GPATCH8: variants seen among roughly 807,000 people sequenced by gnomAD.
GPATCH8 encodes the protein G patch domain-containing protein 8.
GPATCH8 carries 18 observed loss-of-function variants against 118.3 expected under a neutral mutation model. That is an observed-to-expected ratio of 0.15 (90% confidence interval 0.11 to 0.23). GPATCH8 has a LOEUF of 0.23. Among genes scored for constraint, GPATCH8 ranks in the 10% least tolerant of loss-of-function variants. GPATCH8 has a pLI of 1.00. For missense variants in GPATCH8, 1,631 were observed against 1,873.8 expected, an observed-to-expected ratio of 0.87 and a Z score of 2.39; for synonymous variants, 659 against 684.7, an observed-to-expected ratio of 0.96 and a Z score of 0.59.
intron 1 of GPATCH8, among the ~76,000 whole-genome samples, chr17:44,485,232 T>G (rs768844624): frequency 6.6e-6 from 1 of 152,148 alleles, no homozygotes; most frequent in Non-Finnish European, 1.5e-5. Context: ...GCCCCCCAAG[T>G]GGCTGGGACT....
At position 44,396,670 on chromosome 17, in the gene GPATCH8, T is replaced by C. The variant is rs372813786; in HGVS notation, c.*898A>G. ...CCAGAACGAGGATCACTTAAAGAGC[T>C]GGATGTAAAAAATATTATTGCAGTA... On this transcript the variant is annotated 3_prime_UTR_variant, in exon 8 of 8. Coordinates refer to ENST00000591680, the MANE Select transcript of GPATCH8 (RefSeq NM_001002909.4). 2.2e-6 allele frequency: 1 copy of C among 445,216 alleles called. No individual in the cohort carries two copies. The allele number at this position is 445,216 out of a possible 1,614,324, so 27.6% of individuals were successfully genotyped here.
rs1242507420 is a variant in GPATCH8, at chr17:44,396,708, GGA to G, written c.*858_*859del. The G allele has an allele frequency of 4.5e-6, 2 of 445,594 alleles. No individual in the cohort carries two copies. Among genetic ancestry groups the G allele is most frequent in the Non-Finnish European group, 8.9e-6 (2 of 224,624 alleles). The allele number at this position is 445,594 out of a possible 1,614,324, so 27.6% of individuals were successfully genotyped here. A position where few individuals can be genotyped will look rare whatever the true frequency, so the allele number is the denominator to read the frequency against. ...TATTATTGCAGTATACTACAAATATGGAACCTTTTTTATATGAGCTACAAAAA... is the reference window on the plus strand; with the variant it reads ...TATTATTGCAGTATACTACAAATATGACCTTTTTTATATGAGCTACAAAAA... On this transcript the variant is annotated 3_prime_UTR_variant, in exon 8 of 8. Coordinates refer to ENST00000591680, the MANE Select transcript of GPATCH8 (RefSeq NM_001002909.4).
chr17:44,436,244 G>C (rs1428930210), intron 4 of GPATCH8, among the ~76,000 whole-genome samples: 1 of 151,808 alleles, frequency 6.6e-6, no homozygotes, highest in Non-Finnish European at 1.5e-5. Flanking sequence ...TATAACCCTC[G>C]GCAAATCACT....
chr17:44,413,792 G>A lies in GPATCH8; in HGVS notation c.493-7741C>T, dbSNP rs555531158. Among the ~76,000 whole-genome samples, 6 of 152,110 alleles carry A rather than the reference G, an allele frequency of 3.9e-5. No homozygotes were observed. In the East Asian group the frequency reaches 1.2e-3, roughly 29 times the overall value. On this transcript the variant is annotated intron_variant, in intron 6 of 7. Transcript: ENST00000591680. ...GTGCCACCATACCTGGCTAATTTTT[G>A]TATTTTTAGTAGAGATGGGGTTTTG...
intron 1 of GPATCH8, among the ~76,000 whole-genome samples, chr17:44,481,279 T>A: frequency 6.6e-6 from 1 of 152,358 alleles, no homozygotes; most frequent in South Asian, 2.1e-4. Context: ...AACACCTGTC[T>A]GTGAATGTTT....
At chr17:44,413,729 C>T (rs1434561291) in intron 6 of GPATCH8, among the ~76,000 whole-genome samples, 1 of 152,100 alleles carries the variant, frequency 6.6e-6, no homozygotes, top group Non-Finnish European at 1.5e-5. Flanking sequence ...CAGCAATTCT[C>T]CTGCCTCAGC....
At chr17:44,490,966 T>G (rs1002757817) in intron 1 of GPATCH8, among the ~76,000 whole-genome samples, 1 of 152,220 alleles carries the variant, frequency 6.6e-6, no homozygotes, top group Non-Finnish European at 1.5e-5. Context: ...GAAATCTTAT[T>G]ATTTGCTAAC....
chr17:44,399,309 G>C lies in GPATCH8; in HGVS notation c.2768C>G (p.Ser923Ter). 1 of 1,614,032 alleles carries C rather than the reference G, an allele frequency of 6.2e-7. No individual in the cohort carries two copies. The highest frequency in any genetic ancestry group is 8.5e-7 in the Non-Finnish European group (1 of 1,179,890). The change falls in exon 8 of 8, where the codon TCA becomes TGA. Residue 923 changes from serine (S) to a stop codon, truncating the protein, a stop_gained. Coordinates refer to ENST00000591680, the MANE Select transcript of GPATCH8 (RefSeq NM_001002909.4). LOFTEE classifies it high-confidence loss of function. Reference sequence around the variant, plus strand: ...AGAAGATGAATATTTGTGCCGTTTTGATCGGTGTTTGGAGCTGGCATAGTC... The same window carrying C: ...AGAAGATGAATATTTGTGCCGTTTTCATCGGTGTTTGGAGCTGGCATAGTC... ...DSDYASSKHR[S>*]KRHKYSSSDD...
intron 6 of GPATCH8, among the ~76,000 whole-genome samples, chr17:44,413,374 G>A (rs567282016): frequency 1.8e-4 from 28 of 152,082 alleles, no homozygotes; most frequent in Non-Finnish European, 2.4e-4. Flanking sequence ...ACATTCAAGC[G>A]ATTCTTGTGC....
intron 7 of GPATCH8, among the ~76,000 whole-genome samples, chr17:44,404,849 T>C (rs2049158986): frequency 6.6e-6 from 1 of 151,952 alleles, no homozygotes; most frequent in Admixed American, 6.6e-5. Context: ...CACTCATATG[T>C]GGAAGCTTAA....
rs539145985 is a variant in GPATCH8 at position 44,422,282 on chromosome 17, A to G, written c.492+2067T>C. On this transcript the variant is annotated intron_variant, in intron 6 of 7. Coordinates refer to ENST00000591680, the MANE Select transcript of GPATCH8 (RefSeq NM_001002909.4). ...CTGCAACCTCAAACTCCTGGGCTCA[A>G]GCGATTCTAACACCTCGGCTTCTGG... Among the ~76,000 whole-genome samples the G allele has an allele frequency of 8.4e-4, 127 of 151,800 alleles. 1 individual carries two copies. The highest frequency in any genetic ancestry group is 2.8e-3 in the African/African-American group (117 of 41,372).
rs950876196 is a variant in GPATCH8, at chr17:44,434,986, T to C, written c.348+79A>G. 5 of 777,730 alleles carry C rather than the reference T, an allele frequency of 6.4e-6. No homozygotes were observed. In the African/African-American group the frequency reaches 8.4e-5, roughly 13 times the overall value. The allele number at this position is 777,730 out of a possible 1,614,324, so 48.2% of individuals were successfully genotyped here. A position where few individuals can be genotyped will look rare whatever the true frequency, so the allele number is the denominator to read the frequency against. On this transcript the variant is annotated intron_variant, in intron 5 of 7. Transcript: ENST00000591680. ...AAACAAATGCTGTTAGCAACAGTGA[T>C]GATTTTCAACAAAATTTGAGTTCTT...
At chr17:44,406,938 C>T (rs886935321) in intron 6 of GPATCH8, among the ~76,000 whole-genome samples, 1 of 152,118 alleles carries the variant, frequency 6.6e-6, no homozygotes, top group Non-Finnish European at 1.5e-5. Flanking sequence ...GAAGACAGAA[C>T]TAAAATTATT....
chr17:44,453,489 AGGTAGGTAGG>A (rs1292367955), intron 3 of GPATCH8, among the ~76,000 whole-genome samples: 2 of 51,390 alleles, frequency 3.9e-5, no homozygotes, highest in African/African-American at 1.3e-4. Flanking sequence ...GTAGGTAGGT[AGGTAGGTAGG>A]GGTGTGTGTG....
At chr17:44,419,552 T>A (rs902723987) in intron 6 of GPATCH8, among the ~76,000 whole-genome samples, 2 of 151,986 alleles carry the variant, frequency 1.3e-5, no homozygotes, top group Non-Finnish European at 2.9e-5. Flanking sequence ...AGTGGCATGA[T>A]CACAGCTTAT....
At chr17:44,490,323 A>C (rs1969147023) in intron 1 of GPATCH8, among the ~76,000 whole-genome samples, 1 of 152,066 alleles carries the variant, frequency 6.6e-6, no homozygotes, top group African/African-American at 2.4e-5. Context: ...AAAACAAAAA[A>C]AGAAAAAACA....
rs556479761 is a variant in GPATCH8, at chr17:44,415,284, T to C, written c.492+9065A>G. Among the ~76,000 whole-genome samples the C allele has an allele frequency of 3.3e-5, 5 of 152,324 alleles. No homozygotes were observed. The South Asian group carries it at 1.0e-3, about 32-fold the overall frequency. Reference sequence around the variant, plus strand: ...GGTATACATAAATTTTGTGGTTTTGTAGATAATGAGCTTTAAGTATACAGG... The same window carrying C: ...GGTATACATAAATTTTGTGGTTTTGCAGATAATGAGCTTTAAGTATACAGG... On this transcript the variant is annotated intron_variant, in intron 6 of 7. Transcript: ENST00000591680.
chr17:44,435,065 C>T lies in GPATCH8; in HGVS notation c.348G>A (p.Lys116=). 4 of 1,278,192 alleles carry T rather than the reference C, an allele frequency of 3.1e-6. No homozygotes were observed. Among genetic ancestry groups the T allele is most frequent in the Non-Finnish European group, 4.6e-6 (4 of 873,286 alleles). 79.2% of individuals were successfully genotyped at this position (1,278,192 alleles called of 1,614,324 possible). ...EDTEELRQKY[K]DYVDKEKAIA... ...CCAATGAATAGCTTTGTTTAAATAC[C>T]TTGTACTTTTGTCTCAGCTCTTCTG... Residue 116 remains lysine, a splice_region_variant and synonymous_variant, in exon 5 of 8, where the codon AAG becomes AAA. Coordinates refer to ENST00000591680, the MANE Select transcript of GPATCH8 (RefSeq NM_001002909.4).
At chr17:44,495,493 C>T (rs970776559) in intron 1 of GPATCH8, among the ~76,000 whole-genome samples, 2 of 152,260 alleles carry the variant, frequency 1.3e-5, no homozygotes, top group Middle Eastern at 3.4e-3. Context: ...CTAAACCTTA[C>T]TACTTATGTT....
Sources: gnomAD v4.1 joint callset for allele counts (sites outside exome capture counted in the v4.1 genomes callset) on GRCh38, gnomAD v4.1.1 for gene constraint, MANE v1.5 for transcripts, NCBI Gene and HGNC (gene_info 2026-07-23, HGNC 2026-07-21) for gene names.